Variants in RUNX1T1 observed in about 807,000 individuals in gnomAD.
RUNX1T1 encodes RUNX1 partner transcriptional co-repressor 1, also known as protein CBFA2T1.
A neutral mutation model predicts 62.8 loss-of-function variants in RUNX1T1; 4 were observed. The observed-to-expected ratio is 0.06, with a 90% confidence interval of 0.03 to 0.15. The LOEUF (loss-of-function observed/expected upper bound fraction) is 0.15. RUNX1T1 is among the 10% of genes least tolerant of loss of function. The pLI, the probability that RUNX1T1 is intolerant of heterozygous loss-of-function variation, is 1.00. For missense variants in RUNX1T1, 508 were observed against 754.3 expected, an observed-to-expected ratio of 0.67 and a Z score of 3.82; for synonymous variants, 291 against 286.0, an observed-to-expected ratio of 1.02 and a Z score of -0.18.
chr8:91,976,195 C>T (rs974137233), intron 8 of RUNX1T1: 2 of 506,010 alleles, frequency 4.0e-6, no homozygotes, highest in African/African-American at 3.8e-5. Flanking sequence ...AAATGCCATG[C>T]ATGCTCAAAG....
chr8:92,060,167 G>A (rs1831676064), intron 1 of RUNX1T1, among the ~76,000 whole-genome samples: 3 of 151,970 alleles, frequency 2.0e-5, no homozygotes, highest in Admixed American at 6.6e-5. Flanking sequence ...GGATCTAGTT[G>A]TTACAAAAGT....
chr8:91,992,630 G>A (rs1354423141), intron 5 of RUNX1T1, among the ~76,000 whole-genome samples: 3 of 152,146 alleles, frequency 2.0e-5, no homozygotes, highest in African/African-American at 2.4e-5. Context: ...AGTCACCAAG[G>A]TAATCAATCA....
At chr8:92,095,086 A>G (rs1469223778) in intron 1 of RUNX1T1, 1 of 1,535,676 alleles carries the variant, frequency 6.5e-7, no homozygotes, top group South Asian at 1.2e-5. Context: ...GGCCAGGGGT[A>G]GATGCCTCCT....
chr8:92,072,684 G>T (rs1435504161), intron 2 of RUNX1T1, among the ~76,000 whole-genome samples: 2 of 152,198 alleles, frequency 1.3e-5, no homozygotes, highest in Non-Finnish European at 2.9e-5. Context: ...ACACTGACCT[G>T]GGATCAGTGT....
At chr8:92,029,497 G>C (rs111460633) in intron 1 of RUNX1T1, among the ~76,000 whole-genome samples, 10 of 152,304 alleles carry the variant, frequency 6.6e-5, no homozygotes, top group African/African-American at 2.2e-4. Context: ...ACCGAGAGGT[G>C]CATGGTGATG....
intron 7 of RUNX1T1, 37 bp from the exon 9 acceptor site, chr8:91,986,362 A>G (rs1282484154): frequency 1.3e-6 from 2 of 1,487,672 alleles, no homozygotes; most frequent in East Asian, 2.3e-5. Flanking sequence ...AGAGCATATA[A>G]ATCATCACAA....
intron 5 of RUNX1T1, among the ~76,000 whole-genome samples, chr8:91,992,095 T>A (rs558282201): frequency 6.6e-6 from 1 of 152,186 alleles, no homozygotes; most frequent in Non-Finnish European, 1.5e-5. Flanking sequence ...CAGGAAAAAA[T>A]CCTTCACTTC....
chr8:92,097,486 G>A (rs1321919971), intron 1 of RUNX1T1, among the ~76,000 whole-genome samples: 1 of 152,104 alleles, frequency 6.6e-6, no homozygotes, highest in Non-Finnish European at 1.5e-5. Flanking sequence ...TTGCATTTTA[G>A]TTAGATCAGC....
At chr8:91,997,161 C>A (rs1430248912) in intron 5 of RUNX1T1, among the ~76,000 whole-genome samples, 1 of 151,936 alleles carries the variant, frequency 6.6e-6, no homozygotes, top group East Asian at 1.9e-4. Flanking sequence ...AACAAAAACT[C>A]TACATGAAAT....
rs56790868 is a variant in RUNX1T1 at position 92,084,088 on chromosome 8, G to A, written c.-85-7951C>T. ...CACAGGGAGGGGAACATCACACACC[G>A]GGGCCTGTCGGGGTGGGGGGCTAAG... On this transcript the variant is annotated intron_variant, in intron 1 of 11. Transcript: ENST00000265814. Among the ~76,000 whole-genome samples the A allele has an allele frequency of 3.9e-3, 597 of 152,092 alleles. 3 individuals carry two copies. Among genetic ancestry groups the A allele is most frequent in the African/African-American group, 0.014 (560 of 41,464 alleles).
At chr8:91,976,443 C>T (rs190916763) in intron 8 of RUNX1T1, among the ~76,000 whole-genome samples, 1 of 152,150 alleles carries the variant, frequency 6.6e-6, no homozygotes, top group Non-Finnish European at 1.5e-5. Context: ...TATGGCTAAC[C>T]AGTTCTCATA....
intron 3 of RUNX1T1, among the ~76,000 whole-genome samples, chr8:92,014,083 A>G (rs1822513500): frequency 6.6e-6 from 1 of 152,206 alleles, no homozygotes; most frequent in African/African-American, 2.4e-5. Flanking sequence ...TAAAAATGAC[A>G]CTAGATAAAA....
chr8:92,056,780 A>G (rs1480730216), intron 1 of RUNX1T1, among the ~76,000 whole-genome samples: 1 of 152,160 alleles, frequency 6.6e-6, no homozygotes, highest in African/African-American at 2.4e-5. Flanking sequence ...TTTTAGCTAC[A>G]CAATTTTTAA....
At chr8:91,990,809 C>T (rs982999817) in intron 6 of RUNX1T1, among the ~76,000 whole-genome samples, 17 of 152,032 alleles carry the variant, frequency 1.1e-4, no homozygotes, top group African/African-American at 4.1e-4. Context: ...AGGCATGCAC[C>T]ACCATGCCCG....
chr8:92,011,202 T>C (rs1821851360), intron 3 of RUNX1T1, 111 bp from the exon 5 acceptor site: 9 of 623,792 alleles, frequency 1.4e-5, no homozygotes, highest in Non-Finnish European at 2.3e-5. Flanking sequence ...CAAGCAAACA[T>C]ACTGACAGAA....
intron 1 of RUNX1T1, among the ~76,000 whole-genome samples, chr8:92,034,208 T>C (rs1826823299): frequency 6.6e-6 from 1 of 152,024 alleles, no homozygotes; most frequent in Non-Finnish European, 1.5e-5. Flanking sequence ...GTTCACTGAA[T>C]AAAAGAATGA....
upstream of RUNX1T1, among the ~76,000 whole-genome samples, chr8:92,067,726 G>T (rs190558491): frequency 2.0e-5 from 3 of 152,158 alleles, no homozygotes; most frequent in African/African-American, 7.2e-5. Context: ...GTGCATTTAT[G>T]TGTATGTGTA....
chr8:92,018,294 A>G (rs1279900597), intron 1 of RUNX1T1, among the ~76,000 whole-genome samples: 2 of 152,260 alleles, frequency 1.3e-5, no homozygotes, highest in African/African-American at 4.8e-5. Flanking sequence ...CTTTGGTTAT[A>G]ATAAACATTT....
At chr8:92,075,479 A>T (rs1241563073) in intron 2 of RUNX1T1, among the ~76,000 whole-genome samples, 1 of 152,258 alleles carries the variant, frequency 6.6e-6, no homozygotes, top group Non-Finnish European at 1.5e-5. Context: ...TTAGGAAGTG[A>T]CATTTGCCTA....
Sources: allele counts gnomAD v4.1 joint callset (sites outside exome capture counted in the v4.1 genomes callset), GRCh38; gene constraint gnomAD v4.1.1; transcripts MANE v1.5; gene names NCBI Gene and HGNC (gene_info 2026-07-23, HGNC 2026-07-21).